REEP3: variants seen among roughly 807,000 people sequenced by gnomAD.
The protein encoded by REEP3 is receptor expression-enhancing protein 3.
Under a neutral mutation model 41.3 loss-of-function variants are expected in REEP3, and 20 were observed. That is an observed-to-expected ratio of 0.48 (90% CI 0.34 to 0.70). REEP3 has a LOEUF of 0.70. Ranked by LOEUF, REEP3 falls within the 30% of genes least tolerant of loss-of-function variation. REEP3 has a pLI of 0.01. For missense variants in REEP3, 271 were observed against 308.8 expected (o/e 0.88, Z 0.92); for synonymous variants, 104 against 101.8 (o/e 1.02, Z -0.13).
At chr10:63,608,908 A>G (rs537515256) in intron 5 of REEP3, among the ~76,000 whole-genome samples, 1 of 152,324 alleles carries the variant, frequency 6.6e-6, no homozygotes. Flanking sequence ...ATTATATTTT[A>G]TTTAACTTTA....
chr10:63,560,588 C>A (rs546733841), intron 1 of REEP3, among the ~76,000 whole-genome samples: 1 of 152,126 alleles, frequency 6.6e-6, no homozygotes, highest in South Asian at 2.1e-4. Context: ...TTACATTAGT[C>A]GGGGTGAACA....
intron 2 of REEP3, among the ~76,000 whole-genome samples, chr10:63,593,918 C>A (rs1956088775): frequency 6.6e-6 from 1 of 152,060 alleles, no homozygotes; most frequent in Non-Finnish European, 1.5e-5. Context: ...CTTATGCTGT[C>A]CACCTGGGTA....
chr10:63,600,800 TG>T (rs1023404634), intron 5 of REEP3, among the ~76,000 whole-genome samples: 14 of 152,298 alleles, frequency 9.2e-5, no homozygotes, highest in African/African-American at 2.9e-4. Flanking sequence ...GTGAAGTCAT[TG>T]GGTATCCCAA....
chr10:63,624,987 T>C lies in REEP3; in HGVS notation c.*4118T>C, dbSNP rs1354543092. The C allele has an allele frequency of 2.0e-5, 3 of 152,180 alleles. No individual in the cohort carries two copies. The highest frequency in any genetic ancestry group is 7.2e-5 in the African/African-American group (3 of 41,456). 9.4% of individuals were successfully genotyped at this position (152,180 alleles called of 1,614,324 possible). On this transcript the variant is annotated 3_prime_UTR_variant, in exon 8 of 8. Transcript: ENST00000373758. Reference sequence around the variant, plus strand: ...TATGTTTTAAGAAGTTTCTTTGTGTTACTTCATTATGACACATAATGCGTG... The same window carrying C: ...TATGTTTTAAGAAGTTTCTTTGTGTCACTTCATTATGACACATAATGCGTG...
chr10:63,562,698 G>T, intron 1 of REEP3: 1 of 399,514 alleles, frequency 2.5e-6, no homozygotes, highest in Non-Finnish European at 5.0e-6. Flanking sequence ...ACTGCCCTCT[G>T]CAGCAATCAA....
intron 2 of REEP3, among the ~76,000 whole-genome samples, chr10:63,578,057 C>G (rs1472018542): frequency 2.0e-5 from 3 of 152,064 alleles, no homozygotes; most frequent in African/African-American, 4.8e-5. Context: ...GGGATACTTG[C>G]AGTTGAGTTA....
At chr10:63,596,347 C>G (rs1158689767) in intron 3 of REEP3, among the ~76,000 whole-genome samples, 1 of 151,950 alleles carries the variant, frequency 6.6e-6, no homozygotes, top group Non-Finnish European at 1.5e-5. Flanking sequence ...TTTCCAAGTT[C>G]TCTTTTTAAG....
chr10:63,525,903 A>T (rs1029493861), intron 1 of REEP3, among the ~76,000 whole-genome samples: 1 of 152,200 alleles, frequency 6.6e-6, no homozygotes, highest in Non-Finnish European at 1.5e-5. Flanking sequence ...GCCAAATTCA[A>T]CTATTAACTC....
intron 1 of REEP3, among the ~76,000 whole-genome samples, chr10:63,541,924 T>C (rs372768956): frequency 2.6e-5 from 4 of 152,228 alleles, no homozygotes; most frequent in East Asian, 3.8e-4. Flanking sequence ...TTTTTCCATT[T>C]TTATGCATAA....
chr10:63,577,380 CT>C (rs1390292647), intron 2 of REEP3, among the ~76,000 whole-genome samples: 2 of 152,114 alleles, frequency 1.3e-5, no homozygotes, highest in African/African-American at 4.8e-5. Context: ...AGTCTCTCTC[CT>C]CCTTAAGCAG....
intron 2 of REEP3, among the ~76,000 whole-genome samples, chr10:63,579,189 G>T (rs529883236): frequency 6.6e-6 from 1 of 151,810 alleles, no homozygotes; most frequent in African/African-American, 2.4e-5. Context: ...CCACCACCAC[G>T]CCCAGATAAT....
intron 5 of REEP3, among the ~76,000 whole-genome samples, chr10:63,608,817 G>A (rs1382175143): frequency 1.3e-5 from 2 of 152,146 alleles, no homozygotes; most frequent in South Asian, 2.1e-4. Flanking sequence ...TTCTGTGTCT[G>A]CACTATCCAA....
chr10:63,521,539 C>G lies in REEP3; in HGVS notation c.-7C>G. 7.0e-7 allele frequency: 1 copy of G among 1,432,930 alleles called. No homozygotes were observed. Among genetic ancestry groups the G allele is most frequent in the South Asian group, 1.5e-5 (1 of 68,596 alleles). The allele number at this position is 1,432,930 out of a possible 1,614,324, so 88.8% of individuals were successfully genotyped here. A position where few individuals can be genotyped will look rare whatever the true frequency, so the allele number is the denominator to read the frequency against. On this transcript the variant is annotated 5_prime_UTR_variant, in exon 1 of 8. Coordinates refer to ENST00000373758, the MANE Select transcript of REEP3 (RefSeq NM_001001330.3). ...GCCCCGGACGTGGGGCCCAAGCCCC[C>G]GTGAAGATGGTGTCCTGGATGATCT... is the stretch of plus-strand genomic sequence containing the variant.
chr10:63,581,152 T>A (rs1364913893), intron 2 of REEP3, among the ~76,000 whole-genome samples: 1 of 152,228 alleles, frequency 6.6e-6, no homozygotes, highest in Non-Finnish European at 1.5e-5. Context: ...CCCAGACATG[T>A]ACATCATCTT....
At chr10:63,617,813 T>A (rs1289173833) in intron 6 of REEP3, among the ~76,000 whole-genome samples, 4 of 41,574 alleles carry the variant, frequency 9.6e-5, no homozygotes, top group African/African-American at 3.4e-4. Context: ...CCTTCTACTC[T>A]TTTTTTTTTT....
At chr10:63,568,650 ATT>A (rs10622553) in intron 2 of REEP3, among the ~76,000 whole-genome samples, 9 of 109,128 alleles carry the variant, frequency 8.2e-5, no homozygotes, top group Admixed American at 1.0e-4. Flanking sequence ...ACAACCCAGA[ATT>A]TTTTTTTTTT....
In REEP3 at chr10:63,623,830, C is replaced by T. The variant is rs1373944584; in HGVS notation, c.*2961C>T. Reference sequence around the variant, plus strand: ...CTAAAAAATTATACTGCCAAAATTACTGATTATAAATACTTGACTACACTG... The same window carrying T: ...CTAAAAAATTATACTGCCAAAATTATTGATTATAAATACTTGACTACACTG... On this transcript the variant is annotated 3_prime_UTR_variant, in exon 8 of 8. Transcript: ENST00000373758. 6.6e-6 allele frequency: 1 copy of T among 151,204 alleles called. No homozygotes were observed. The highest frequency in any genetic ancestry group is 2.0e-4 in the East Asian group (1 of 5,052). The allele number at this position is 151,204 out of a possible 1,614,324, so 9.4% of individuals were successfully genotyped here. A position where few individuals can be genotyped will look rare whatever the true frequency, so the allele number is the denominator to read the frequency against.
chr10:63,548,910 G>C (rs1480335822), intron 1 of REEP3, among the ~76,000 whole-genome samples: 1 of 151,736 alleles, frequency 6.6e-6, no homozygotes, highest in East Asian at 1.9e-4. Context: ...ACTGTTACAT[G>C]TAAGTTCTCA....
At chr10:63,600,350 G>T (rs1407986100) in intron 5 of REEP3, among the ~76,000 whole-genome samples, 1 of 152,104 alleles carries the variant, frequency 6.6e-6, no homozygotes, top group Non-Finnish European at 1.5e-5. Context: ...TACATTGAGG[G>T]TTAAATGGAA....
Sources: gnomAD v4.1 joint callset for allele counts (sites outside exome capture counted in the v4.1 genomes callset) on GRCh38, gnomAD v4.1.1 for gene constraint, MANE v1.5 for transcripts, NCBI Gene and HGNC (gene_info 2026-07-23, HGNC 2026-07-21) for gene names.